The following SPECC1 variants were observed in gnomAD, a reference collection of about 807,000 sequenced individuals.
The protein encoded by SPECC1 is cytospin-B.
A neutral mutation model predicts 104.1 loss-of-function variants in SPECC1; 62 were observed. That is an observed-to-expected ratio of 0.60 (90% CI 0.49 to 0.74). The LOEUF (loss-of-function observed/expected upper bound fraction) is 0.74. SPECC1 is among the 30% of genes least tolerant of loss of function. The probability of loss-of-function intolerance (pLI) is 0.00; values close to 1 mark genes in which losing one functional copy is unlikely to be tolerated. For missense variants in SPECC1, 1,306 were observed against 1,310.5 expected (o/e 1.00, Z 0.05); for synonymous variants, 513 against 501.6 (o/e 1.02, Z -0.30).
At chr17:20,146,591 T>C (rs1000192852) in intron 3 of SPECC1, among the ~76,000 whole-genome samples, 4 of 152,162 alleles carry the variant, frequency 2.6e-5, no homozygotes, top group African/African-American at 7.2e-5. Flanking sequence ...CTGGATCTTA[T>C]GATAAGAATA....
intron 1 of SPECC1, among the ~76,000 whole-genome samples, chr17:20,064,574 C>T (rs922692825): frequency 2.6e-5 from 4 of 152,130 alleles, no homozygotes; most frequent in African/African-American, 9.7e-5. Flanking sequence ...AGGATCTGTC[C>T]CAGCGCCAGA....
intron 4 of SPECC1, among the ~76,000 whole-genome samples, chr17:20,212,856 A>G (rs187637548): frequency 2.0e-3 from 310 of 152,364 alleles, no homozygotes; most frequent in African/African-American, 7.2e-3. Flanking sequence ...ATATGTTTAA[A>G]AAGTAAAGTT....
chr17:20,303,964 T>G (rs1034580645), intron 13 of SPECC1, among the ~76,000 whole-genome samples: 2 of 136,186 alleles, frequency 1.5e-5, no homozygotes, highest in African/African-American at 2.8e-5. Context: ...AAAAAAAAAT[T>G]AAGAAATTCT....
intron 1 of SPECC1, among the ~76,000 whole-genome samples, chr17:20,060,551 A>C (rs2046148008): frequency 6.6e-6 from 1 of 152,228 alleles, no homozygotes; most frequent in African/African-American, 2.4e-5. Context: ...TGACTTTAGG[A>C]GCAAATGAAT....
At chr17:20,275,479 A>G (rs908662001) in intron 12 of SPECC1, among the ~76,000 whole-genome samples, 4 of 152,222 alleles carry the variant, frequency 2.6e-5, no homozygotes, top group Admixed American at 2.0e-4. Context: ...GACAGAATTA[A>G]TTCTTAGCCA....
chr17:20,051,108 CTTTCTTTCTTTCTTTCTTTCTTTCT>C (rs2045745945), intron 1 of SPECC1, among the ~76,000 whole-genome samples: 7 of 129,586 alleles, frequency 5.4e-5, no homozygotes, highest in African/African-American at 1.9e-4. Flanking sequence ...TTCTTTCTTT[CTTTCTTTCTTTCTTTCTTTCTTTCT>C]TTCTTTCCTT....
chr17:20,290,095 G>A (rs544251222), intron 12 of SPECC1, among the ~76,000 whole-genome samples: 1 of 151,894 alleles, frequency 6.6e-6, no homozygotes, highest in East Asian at 1.9e-4. Context: ...AAATACGGCC[G>A]AGCCCCCAGA....
At chr17:20,311,550 C>G (rs2041934762) in intron 14 of SPECC1, among the ~76,000 whole-genome samples, 1 of 152,040 alleles carries the variant, frequency 6.6e-6, no homozygotes, top group Non-Finnish European at 1.5e-5. Context: ...GTCACCATGC[C>G]TGGCTAATTT....
intron 5 of SPECC1, among the ~76,000 whole-genome samples, chr17:20,228,029 T>C (rs2038338921): frequency 6.6e-6 from 1 of 152,148 alleles, no homozygotes; most frequent in African/African-American, 2.4e-5. Context: ...GAGTGCGCTG[T>C]AATCTCCTAG....
chr17:20,176,227 C>T (rs1024824797), intron 3 of SPECC1, among the ~76,000 whole-genome samples: 1 of 152,172 alleles, frequency 6.6e-6, no homozygotes, highest in Non-Finnish European at 1.5e-5. Context: ...TTAATAAGTT[C>T]TCAATGAATG....
chr17:20,233,424 C>G (rs2038719556), intron 7 of SPECC1, among the ~76,000 whole-genome samples: 1 of 152,118 alleles, frequency 6.6e-6, no homozygotes, highest in Non-Finnish European at 1.5e-5. Flanking sequence ...CAAGTAATTC[C>G]TTATTTCTTT....
At chr17:20,089,379 A>G (rs2047309527) in intron 1 of SPECC1, among the ~76,000 whole-genome samples, 1 of 152,128 alleles carries the variant, frequency 6.6e-6, no homozygotes, top group East Asian at 1.9e-4. Context: ...TAATCCCAGC[A>G]TTTTGGGAGG....
At chr17:20,191,714 G>A (rs1162181923) in intron 3 of SPECC1, among the ~76,000 whole-genome samples, 2 of 150,474 alleles carry the variant, frequency 1.3e-5, no homozygotes, top group Non-Finnish European at 3.0e-5. Context: ...TGTTCTCATT[G>A]TTCAGCTCCT....
rs1460117197 is a variant in SPECC1, at chr17:20,204,465, A to G, written c.416A>G (p.Asn139Ser). 2.5e-6 allele frequency: 4 copies of G among 1,613,910 alleles called. No individual in the cohort carries two copies. Among genetic ancestry groups the G allele is most frequent in the African/African-American group, 2.7e-5 (2 of 74,864 alleles). Residue 139 changes from asparagine (N) to serine (S), a missense_variant, in exon 4 of 15, where the codon AAC becomes AGC. Transcript: ENST00000395527. ...RKSVSSPTSSNTPTPTKHLRT... is the reference protein window; with the variant it reads ...RKSVSSPTSSSTPTPTKHLRT... ...TCAGTGTCCAGTCCAACTTCTTCCA[A>G]CACTCCCACTCCTACGAAACACCTG...
intron 12 of SPECC1, among the ~76,000 whole-genome samples, chr17:20,284,944 C>CA (rs2040891759): frequency 2.0e-5 from 3 of 152,146 alleles, no homozygotes; most frequent in Admixed American, 2.0e-4. Context: ...TTAGTGTACA[C>CA]AGAGTCAGTT....
chr17:20,124,413 T>C (rs115737798), intron 3 of SPECC1, among the ~76,000 whole-genome samples: 2,221 of 152,140 alleles, frequency 0.015, 62 homozygotes, highest in African/African-American at 0.05. Context: ...AAATGTTGAT[T>C]TCACTGTGAG....
At chr17:20,275,470 A>G (rs931354736) in intron 12 of SPECC1, among the ~76,000 whole-genome samples, 6 of 152,198 alleles carry the variant, frequency 3.9e-5, no homozygotes, top group Admixed American at 6.5e-5. Flanking sequence ...AGGATTAATG[A>G]CAGAATTAAT....
chr17:20,085,229 C>T (rs1324479743), intron 1 of SPECC1, among the ~76,000 whole-genome samples: 1 of 152,132 alleles, frequency 6.6e-6, no homozygotes, highest in Non-Finnish European at 1.5e-5. Context: ...GCCTTATCCT[C>T]CAACAAAGAG....
At chr17:20,129,101 C>T (rs1047613457) in intron 3 of SPECC1, among the ~76,000 whole-genome samples, 1 of 151,864 alleles carries the variant, frequency 6.6e-6, no homozygotes, top group African/African-American at 2.4e-5. Flanking sequence ...CACTATGTTC[C>T]TGGGCTGAAG....
Sources: allele counts gnomAD v4.1 joint callset (sites outside exome capture counted in the v4.1 genomes callset), GRCh38; gene constraint gnomAD v4.1.1; transcripts MANE v1.5; gene names NCBI Gene and HGNC (gene_info 2026-07-23, HGNC 2026-07-21).